The following PDS5B variants were observed in gnomAD, a reference collection of about 807,000 sequenced individuals.
PDS5B encodes PDS5 cohesin associated factor B.
Under a neutral mutation model 184.1 loss-of-function variants are expected in PDS5B, and 51 were observed. The observed-to-expected ratio is 0.28, with a 90% CI of 0.22 to 0.35. The LOEUF is 0.35. PDS5B is among the 10% of genes least tolerant of loss of function. The pLI, the probability that PDS5B is intolerant of heterozygous loss-of-function variation, is 1.00. For synonymous variants in PDS5B, 566 were observed against 569.2 expected (o/e 0.99, Z 0.08); for missense variants, 1,180 against 1,723.3 (o/e 0.68, Z 5.58).
intron 19 of PDS5B, among the ~76,000 whole-genome samples, chr13:32,716,664 T>TG (rs535532187): frequency 0.35 from 32,925 of 93,658 alleles, 6,685 homozygotes; most frequent in Non-Finnish European, 0.41. Flanking sequence ...GGGAGGGAGG[T>TG]GGGGGGGGTC....
chr13:32,684,529 T>C (rs1951333030), intron 11 of PDS5B, among the ~76,000 whole-genome samples: 2 of 152,202 alleles, frequency 1.3e-5, no homozygotes, highest in African/African-American at 2.4e-5. Flanking sequence ...GCCAGCTTTT[T>C]TGAATGAGTA....
intron 1 of PDS5B, among the ~76,000 whole-genome samples, chr13:32,623,994 T>G: frequency 6.7e-6 from 1 of 150,304 alleles, no homozygotes; most frequent in East Asian, 1.9e-4. Flanking sequence ...GTATTTTTAG[T>G]AGAGATGGGG....
intron 1 of PDS5B, among the ~76,000 whole-genome samples, chr13:32,600,088 G>A (rs1324414): frequency 0.34 from 52,171 of 151,906 alleles, 9,199 homozygotes; most frequent in Non-Finnish European, 0.39. Flanking sequence ...CCTGTTTTCA[G>A]TGAATGCACC....
At chr13:32,589,740 C>T (rs2057745502) in intron 1 of PDS5B, among the ~76,000 whole-genome samples, 1 of 152,094 alleles carries the variant, frequency 6.6e-6, no homozygotes, top group African/African-American at 2.4e-5. Context: ...GTTAAAGATT[C>T]CAAAAATACT....
Position 32,621,267 on chromosome 13 carries a change from C to A in PDS5B, c.-19-27487C>A, listed in dbSNP as rs200567839. ...TCACTTGAGCTCAGGAGTTTGAGAG[C>A]AGCCTGGGCAATATGGCAAAATTTT... On this transcript the variant is annotated intron_variant, in intron 1 of 34. Coordinates refer to ENST00000315596, the MANE Select transcript of PDS5B (RefSeq NM_015032.4). Among the ~76,000 whole-genome samples, 8 of 152,270 alleles carry A rather than the reference C, an allele frequency of 5.3e-5. No individual in the cohort carries two copies. In the East Asian group the frequency reaches 1.4e-3, roughly 26 times the overall value.
chr13:32,706,449 TAC>T (rs978208626), intron 17 of PDS5B, among the ~76,000 whole-genome samples: 5 of 152,168 alleles, frequency 3.3e-5, no homozygotes, highest in African/African-American at 1.2e-4. Flanking sequence ...CTAGGATTCT[TAC>T]ACCTTTTAGG....
At chr13:32,666,760 T>C (rs1358973389) in intron 6 of PDS5B, among the ~76,000 whole-genome samples, 1 of 152,182 alleles carries the variant, frequency 6.6e-6, no homozygotes, top group African/African-American at 2.4e-5. Context: ...CATTTTGACT[T>C]ACTGTGGGTT....
At chr13:32,729,603 C>A (rs905601335) in intron 19 of PDS5B, among the ~76,000 whole-genome samples, 8 of 152,218 alleles carry the variant, frequency 5.3e-5, no homozygotes, top group Non-Finnish European at 1.2e-4. Flanking sequence ...TCCTCTCCAG[C>A]ATCTGTTGTT....
intron 3 of PDS5B, among the ~76,000 whole-genome samples, chr13:32,653,342 TAGAA>T (rs1292729485): frequency 1.3e-5 from 2 of 152,258 alleles, no homozygotes; most frequent in East Asian, 3.9e-4. Flanking sequence ...AATGAGTCCA[TAGAA>T]AGATTATTAA....
At chr13:32,755,230 A>G (rs1236143582) in intron 25 of PDS5B, among the ~76,000 whole-genome samples, 1 of 152,170 alleles carries the variant, frequency 6.6e-6, no homozygotes, top group East Asian at 1.9e-4. Context: ...ACCAATTAGG[A>G]TTACCATTCT....
intron 19 of PDS5B, among the ~76,000 whole-genome samples, chr13:32,725,814 G>A (rs1243501276): frequency 6.6e-6 from 1 of 152,004 alleles, no homozygotes; most frequent in African/African-American, 2.4e-5. Flanking sequence ...GATAGCAGTA[G>A]CACCACCAAT....
intron 1 of PDS5B, among the ~76,000 whole-genome samples, chr13:32,599,632 C>T (rs988766679): frequency 6.7e-5 from 10 of 150,298 alleles, no homozygotes; most frequent in Admixed American, 1.3e-4. Flanking sequence ...TAAAAAATAC[C>T]GGCCGGGCGC....
chr13:32,756,956 C>G (rs1954203281), intron 26 of PDS5B, among the ~76,000 whole-genome samples: 1 of 151,882 alleles, frequency 6.6e-6, no homozygotes. Flanking sequence ...AACCCCGTCT[C>G]TACTAAAAGT....
intron 34 of PDS5B, among the ~76,000 whole-genome samples, chr13:32,774,290 C>T (rs1487625099): frequency 6.6e-6 from 1 of 152,148 alleles, no homozygotes; most frequent in Non-Finnish European, 1.5e-5. Flanking sequence ...GGAATCAGAA[C>T]TCCTATCTGT....
rs148525903 is a variant in PDS5B, at chr13:32,729,458, A to G, written c.2124-2643A>G. On this transcript the variant is annotated intron_variant, in intron 19 of 34. Coordinates refer to ENST00000315596, the MANE Select transcript of PDS5B (RefSeq NM_015032.4). ...ATGATTTATAATCCTTTGGGTATAT[A>G]CCTAGTAATGGGATTGCTGGGTCAA... 3.5e-4 allele frequency among the ~76,000 whole-genome samples: 53 copies of G among 152,278 alleles called. No individual in the cohort carries two copies. In the East Asian group the frequency reaches 9.9e-3, roughly 28 times the overall value.
chr13:32,707,319 G>T (rs1952056282), intron 18 of PDS5B, among the ~76,000 whole-genome samples: 1 of 151,954 alleles, frequency 6.6e-6, no homozygotes, highest in Non-Finnish European at 1.5e-5. Flanking sequence ...CTCTGCTGTA[G>T]AATGAGCCAA....
At position 32,732,182 on chromosome 13, in the gene PDS5B, G is replaced by A. The variant is rs757484452; in HGVS notation, c.2205G>A (p.Ala735=). ...AATATGCCATTCATTGTATCCATGC[G>A]ATATTTTCTAGTAAAGAGACCCAGT... is the stretch of plus-strand genomic sequence containing the variant. ...QAKYAIHCIH[A]IFSSKETQFA... The change falls in exon 20 of 35, where the codon GCG becomes GCA. Residue 735 remains alanine, a synonymous_variant. Coordinates refer to ENST00000315596, the MANE Select transcript of PDS5B (RefSeq NM_015032.4). The A allele has an allele frequency of 5.0e-6, 8 of 1,609,190 alleles. No individual in the cohort carries two copies. Among genetic ancestry groups the A allele is most frequent in the East Asian group, 2.2e-5 (1 of 44,692 alleles).
chr13:32,653,383 A>G lies in PDS5B; in HGVS notation c.312+1376A>G, dbSNP rs17077719. 6.9e-3 allele frequency among the ~76,000 whole-genome samples: 1,051 copies of G among 152,274 alleles called. 10 individuals carry two copies. The highest frequency in any genetic ancestry group is 0.036 in the South Asian group (174 of 4,816). On this transcript the variant is annotated intron_variant, in intron 3 of 34. Transcript: ENST00000315596. ...CCACAGTGTGAAAAAATGGCAGGCA[A>G]TTTATATTTATTTCACTTAATAAGT...
Position 32,633,632 on chromosome 13 carries a change from C to T in PDS5B, c.-19-15122C>T, listed in dbSNP as rs542492208. On this transcript the variant is annotated intron_variant, in intron 1 of 34. Transcript: ENST00000315596. The stretch of plus-strand genomic sequence containing the variant: ...ACTATAATGATTTTGTTAAGTTTTC[C>T]CCATTATAGGGAAATTTATTGAGAA... 1.7e-4 allele frequency among the ~76,000 whole-genome samples: 26 copies of T among 152,110 alleles called. 1 individual carries two copies. The South Asian group carries it at 5.2e-3, about 30-fold the overall frequency.
Sources: allele counts gnomAD v4.1 joint callset (sites outside exome capture counted in the v4.1 genomes callset), GRCh38; gene constraint gnomAD v4.1.1; transcripts MANE v1.5; gene names NCBI Gene and HGNC (gene_info 2026-07-23, HGNC 2026-07-21).